Variants in CTNND2 observed in about 807,000 individuals in gnomAD.
CTNND2 encodes the protein catenin delta-2.
CTNND2 carries 22 observed loss-of-function variants against 144.4 expected under a neutral mutation model. The observed-to-expected ratio is 0.15, with a 90% CI of 0.11 to 0.22. The LOEUF (loss-of-function observed/expected upper bound fraction) is 0.22. CTNND2 is among the 10% of genes least tolerant of loss of function. CTNND2 has a pLI of 1.00. For missense variants in CTNND2, 1,353 were observed against 1,618.8 expected (o/e 0.84, Z 2.82); for synonymous variants, 751 against 695.6 (o/e 1.08, Z -1.25).
intron 2 of CTNND2, among the ~76,000 whole-genome samples, chr5:11,691,082 GA>G (rs1561698363): frequency 1.3e-5 from 2 of 151,852 alleles, no homozygotes; most frequent in Non-Finnish European, 2.9e-5. Flanking sequence ...TATCTTAAAA[GA>G]AATAATGGCC....
At chr5:11,669,970 A>C (rs1175238795) in intron 2 of CTNND2, among the ~76,000 whole-genome samples, 1 of 152,210 alleles carries the variant, frequency 6.6e-6, no homozygotes, top group Non-Finnish European at 1.5e-5. Context: ...CACTGGTTTC[A>C]AAGAACATCT....
At chr5:11,669,577 T>C (rs1783762523) in intron 2 of CTNND2, among the ~76,000 whole-genome samples, 1 of 152,188 alleles carries the variant, frequency 6.6e-6, no homozygotes, top group African/African-American at 2.4e-5. Context: ...TATTCTCTGA[T>C]GGTAGTTTGT....
At chr5:11,596,944 T>C (rs1171614140) in intron 2 of CTNND2, among the ~76,000 whole-genome samples, 36 of 152,210 alleles carry the variant, frequency 2.4e-4, no homozygotes, top group Admixed American at 2.4e-3. Flanking sequence ...TTCCATTTCT[T>C]CTTGACTGCC....
intron 9 of CTNND2, among the ~76,000 whole-genome samples, chr5:11,240,386 T>TCCAACACACACCCAACA (rs1554009623): frequency 1.1e-5 from 1 of 93,808 alleles, no homozygotes; most frequent in Non-Finnish European, 2.0e-5. Flanking sequence ...ACACATACAC[T>TCCAACACACACCCAACA]CACACACCCA....
chr5:10,992,688 C>G lies in CTNND2; in HGVS notation c.3085-11G>C. On this transcript the variant is annotated splice_polypyrimidine_tract_variant and intron_variant, in intron 18 of 21. Transcript: ENST00000304623. The stretch of plus-strand genomic sequence containing the variant: ...TTGTGACCATCCATCCTGCAAAACA[C>G]AGCACGCTCCTGTTAGATGGGCAAG... 1.2e-6 allele frequency: 2 copies of G among 1,613,116 alleles called. No homozygotes were observed. The highest frequency in any genetic ancestry group is 1.7e-6 in the Non-Finnish European group (2 of 1,179,656).
In CTNND2 at chr5:11,823,063, C is replaced by T. The variant is rs61761572; in HGVS notation, c.37+80754G>A. 8.8e-3 allele frequency among the ~76,000 whole-genome samples: 1,343 copies of T among 152,274 alleles called. 18 individuals carry two copies. The highest frequency in any genetic ancestry group is 0.031 in the African/African-American group (1,290 of 41,540). On this transcript the variant is annotated intron_variant, in intron 1 of 21. Transcript: ENST00000304623. ...AATTATTGTAGCCATTGATAATTTA[C>T]ATTTAACTCCAAATTCCTTGAATCC...
chr5:11,258,628 CG>C (rs1744532113), intron 9 of CTNND2, among the ~76,000 whole-genome samples: 1 of 152,028 alleles, frequency 6.6e-6, no homozygotes, highest in Middle Eastern at 3.2e-3. Context: ...ATTATGTGTG[CG>C]TTTTTTTCAA....
At chr5:11,283,984 G>T (rs1216399011) in intron 9 of CTNND2, among the ~76,000 whole-genome samples, 1 of 152,074 alleles carries the variant, frequency 6.6e-6, no homozygotes, top group East Asian at 1.9e-4. Context: ...TCAACATGTG[G>T]GCTATTAGCA....
At chr5:11,136,217 C>G (rs975782095) in intron 12 of CTNND2, among the ~76,000 whole-genome samples, 3 of 152,194 alleles carry the variant, frequency 2.0e-5, no homozygotes, top group South Asian at 2.1e-4. Context: ...TTGTGAATTA[C>G]CTGGTCTAAG....
At chr5:11,423,600 G>T (rs1482668615) in intron 3 of CTNND2, among the ~76,000 whole-genome samples, 1 of 152,184 alleles carries the variant, frequency 6.6e-6, no homozygotes. Context: ...CTGGCTTCCT[G>T]TGATTCTATG....
chr5:11,732,120 A>G lies in CTNND2; in HGVS notation c.174+16T>C, dbSNP rs1182735742. ...ATGTCCCCAAACGCATATCACAAAA[A>G]TGGGAATGTTTCTACCTGTTCTTTG... On this transcript the variant is annotated intron_variant, in intron 2 of 21. Transcript: ENST00000304623. 15 of 1,602,122 alleles carry G rather than the reference A, an allele frequency of 9.4e-6. No individual in the cohort carries two copies. The highest frequency in any genetic ancestry group is 5.4e-5 in the African/African-American group (4 of 74,728).
chr5:11,089,808 G>A (rs1200489670), intron 15 of CTNND2, among the ~76,000 whole-genome samples: 6 of 152,170 alleles, frequency 3.9e-5, no homozygotes, highest in African/African-American at 4.8e-5. Flanking sequence ...CCAGGAGTTC[G>A]AGACCAGCCT....
At chr5:11,236,090 C>T (rs1741604996) in intron 10 of CTNND2, among the ~76,000 whole-genome samples, 1 of 152,214 alleles carries the variant, frequency 6.6e-6, no homozygotes, top group Non-Finnish European at 1.5e-5. Context: ...ATATGCACTT[C>T]ATGTATCCCA....
intron 9 of CTNND2, among the ~76,000 whole-genome samples, chr5:11,342,262 G>A (rs879621030): frequency 5.3e-5 from 8 of 152,214 alleles, no homozygotes; most frequent in Non-Finnish European, 8.8e-5. Flanking sequence ...TTACTATTTC[G>A]AAACAGCACA....
At chr5:11,091,197 T>C (rs557933587) in intron 15 of CTNND2, among the ~76,000 whole-genome samples, 11 of 152,200 alleles carry the variant, frequency 7.2e-5, no homozygotes, top group Admixed American at 4.6e-4. Flanking sequence ...CCTTTCTTTT[T>C]TCTTTCTGTG....
intron 18 of CTNND2, among the ~76,000 whole-genome samples, chr5:11,014,356 C>T (rs1462722598): frequency 6.6e-6 from 1 of 152,200 alleles, no homozygotes; most frequent in African/African-American, 2.4e-5. Flanking sequence ...CCATCTCCTA[C>T]TTCTCTTGTA....
At chr5:11,454,635 T>A (rs1417566996) in intron 3 of CTNND2, among the ~76,000 whole-genome samples, 1 of 151,876 alleles carries the variant, frequency 6.6e-6, no homozygotes, top group African/African-American at 2.4e-5. Flanking sequence ...CTTGCTCTGT[T>A]GCCCAGGCTG....
At chr5:11,766,671 G>C (rs924187345) in intron 1 of CTNND2, among the ~76,000 whole-genome samples, 8 of 152,052 alleles carry the variant, frequency 5.3e-5, no homozygotes, top group Admixed American at 1.3e-4. Flanking sequence ...AGGTGGCTTG[G>C]GGCACTTAAC....
intron 9 of CTNND2, among the ~76,000 whole-genome samples, chr5:11,303,538 C>T (rs1234966756): frequency 1.3e-5 from 2 of 152,234 alleles, no homozygotes; most frequent in Non-Finnish European, 2.9e-5. Context: ...ACTGCTGAAG[C>T]GGATGCCTGG....
Sources: allele counts gnomAD v4.1 joint callset (sites outside exome capture counted in the v4.1 genomes callset), GRCh38; gene constraint gnomAD v4.1.1; transcripts MANE v1.5; gene names NCBI Gene and HGNC (gene_info 2026-07-23, HGNC 2026-07-21).